The following IL1R1 variants were observed in gnomAD, a reference collection of about 807,000 sequenced individuals.
IL1R1 encodes the protein interleukin 1 receptor type 1.
Under a neutral mutation model 50.2 loss-of-function variants are expected in IL1R1, and 22 were observed. The observed-to-expected ratio is 0.44, with a 90% CI of 0.31 to 0.63. The LOEUF is 0.63. Among genes scored for constraint, IL1R1 ranks in the 20% least tolerant of loss-of-function variants. IL1R1 has a pLI of 0.07. For synonymous variants in IL1R1, 251 were observed against 236.7 expected (o/e 1.06, Z -0.55); for missense variants, 509 against 676.2 (o/e 0.75, Z 2.74).
At chr2:102,122,782 T>G (rs1414671217) in intron 1 of IL1R1, among the ~76,000 whole-genome samples, 2 of 152,192 alleles carry the variant, frequency 1.3e-5, no homozygotes, top group Admixed American at 6.5e-5. Flanking sequence ...TTTCCTTGTT[T>G]TCAGAAAACA....
At chr2:102,122,837 T>C (rs2104395976) in intron 1 of IL1R1, among the ~76,000 whole-genome samples, 1 of 152,320 alleles carries the variant, frequency 6.6e-6, no homozygotes, top group African/African-American at 2.4e-5. Context: ...CTAAACACTT[T>C]GTTTTGACTC....
intron 1 of IL1R1, among the ~76,000 whole-genome samples, chr2:102,116,178 G>A (rs749073469): frequency 6.6e-5 from 10 of 152,178 alleles, no homozygotes; most frequent in Non-Finnish European, 1.2e-4. Flanking sequence ...TGCTGCTTTC[G>A]ACATCTCTCC....
chr2:102,140,979 G>A (rs757701265), upstream of IL1R1, among the ~76,000 whole-genome samples: 2 of 152,146 alleles, frequency 1.3e-5, no homozygotes, highest in Non-Finnish European at 1.5e-5. Flanking sequence ...CAAAAATTAC[G>A]GATTTTATTT....
At chr2:102,158,521 G>C (rs1195493817) in intron 3 of IL1R1, among the ~76,000 whole-genome samples, 1 of 152,174 alleles carries the variant, frequency 6.6e-6, no homozygotes, top group Non-Finnish European at 1.5e-5. Context: ...TTGGATATCA[G>C]ATTGGGGTGT....
At chr2:102,153,284 G>A (rs1367928564) in intron 1 of IL1R1, among the ~76,000 whole-genome samples, 2 of 152,266 alleles carry the variant, frequency 1.3e-5, no homozygotes, top group Non-Finnish European at 2.9e-5. Flanking sequence ...GCATCCCTAG[G>A]TGGTTTGATT....
chr2:102,071,121 A>G (rs563241623), intron 1 of IL1R1, among the ~76,000 whole-genome samples: 1 of 152,314 alleles, frequency 6.6e-6, no homozygotes, highest in East Asian at 1.9e-4. Context: ...GATGCTACCA[A>G]GAGTACTTCA....
chr2:102,172,043 T>C, intron 8 of IL1R1, 125 bp downstream of exon 8: 5 of 446,916 alleles, frequency 1.1e-5, no homozygotes, highest in South Asian at 6.8e-5. Context: ...TTTTTTTTTT[T>C]TTTTTTTTTT....
At chr2:102,075,963 A>G in intron 1 of IL1R1, among the ~76,000 whole-genome samples, 1 of 152,204 alleles carries the variant, frequency 6.6e-6, no homozygotes, top group East Asian at 1.9e-4. Flanking sequence ...TTCAAGTGAT[A>G]TTGTACTGCT....
upstream of IL1R1, among the ~76,000 whole-genome samples, chr2:102,139,458 G>C (rs1682520239): frequency 6.6e-6 from 1 of 152,224 alleles, no homozygotes; most frequent in Non-Finnish European, 1.5e-5. Context: ...CTCTCTTCCA[G>C]TCTTCTCCAT....
Position 102,171,895 on chromosome 2 carries a change from A to G in IL1R1, c.816A>G (p.Pro272=), listed in dbSNP as rs1192193575. The G allele has an allele frequency of 1.3e-6, 2 of 1,595,388 alleles. No individual in the cohort carries two copies. Among genetic ancestry groups the G allele is most frequent in the Non-Finnish European group, 1.7e-6 (2 of 1,164,950 alleles). Residue 272 remains proline (P), a synonymous_variant, in exon 8 of 12, where the codon CCA becomes CCG. Coordinates refer to ENST00000410023, the MANE Select transcript of IL1R1 (RefSeq NM_000877.4). ...WNGSVIDEDD[P]VLGEDYYSVE... ...GGTCAGTAATTGATGAAGATGACCC[A>G]GTGCTAGGGGAAGACTATTACAGGT...
chr2:102,129,296 A>AC lies in IL1R1; in HGVS notation c.-84+24424_-84+24425insC, dbSNP rs397823112. 8.2e-4 allele frequency among the ~76,000 whole-genome samples: 122 copies of AC among 149,142 alleles called. No homozygotes were observed. In the Middle Eastern group the frequency reaches 0.01, roughly 12 times the overall value. On this transcript the variant is annotated intron_variant, in intron 1 of 10. Transcript: ENST00000409329. ...AACAACAACAACAACAACAACAACA[A>AC]AACCAAAACAAGAACTCCTTCCCAA...
rs145994311 is a variant in IL1R1 at position 102,149,060 on chromosome 2, T to G, written c.-83-4881T>G. Among the ~76,000 whole-genome samples the G allele has an allele frequency of 1.3e-3, 196 of 152,328 alleles. 1 individual carries two copies. The highest frequency in any genetic ancestry group is 4.3e-3 in the African/African-American group (180 of 41,570). On this transcript the variant is annotated intron_variant, in intron 1 of 11. Coordinates refer to ENST00000410023, the MANE Select transcript of IL1R1 (RefSeq NM_000877.4). Reference sequence around the variant, plus strand: ...TCCCCGTACATGTTTCCACCGATTTTCAGTAGAACACATGGGCTGTGACAT... The same window carrying G: ...TCCCCGTACATGTTTCCACCGATTTGCAGTAGAACACATGGGCTGTGACAT...
intron 3 of IL1R1, among the ~76,000 whole-genome samples, chr2:102,161,057 A>T (rs1684680772): frequency 6.6e-6 from 1 of 152,204 alleles, no homozygotes; most frequent in Non-Finnish European, 1.5e-5. Context: ...TGAAATTTTT[A>T]AAAAATATAT....
chr2:102,094,514 A>G (rs1449060724), intron 1 of IL1R1, among the ~76,000 whole-genome samples: 1 of 152,214 alleles, frequency 6.6e-6, no homozygotes, highest in Non-Finnish European at 1.5e-5. Flanking sequence ...TCCTGTAAGT[A>G]TTAGTATTTT....
chr2:102,164,646 G>T, intron 3 of IL1R1, 128 bp from the exon 4 acceptor site: 1 of 652,756 alleles, frequency 1.5e-6, no homozygotes, highest in Non-Finnish European at 2.7e-6. Context: ...TTATCACAAG[G>T]CTGTAAAGCT....
chr2:102,108,129 A>T lies in IL1R1; in HGVS notation c.-84+3257A>T, dbSNP rs1680522517. ...GTTGTTACTCTAAAGTTTAGTGATA[A>T]ATCTAACCTTCTAAAATATATAGTT... On this transcript the variant is annotated intron_variant, in intron 1 of 10. Transcript: ENST00000409329. Among the ~76,000 whole-genome samples, 3 of 152,218 alleles carry T rather than the reference A, an allele frequency of 2.0e-5. No individual in the cohort carries two copies. In the South Asian group the frequency reaches 6.2e-4, roughly 32 times the overall value.
chr2:102,093,086 G>C (rs1432250991), intron 1 of IL1R1, among the ~76,000 whole-genome samples: 1 of 152,132 alleles, frequency 6.6e-6, no homozygotes, highest in Non-Finnish European at 1.5e-5. Context: ...GAATTGATAA[G>C]AAAATAATAG....
chr2:102,120,184 G>A (rs1180772630), intron 1 of IL1R1, among the ~76,000 whole-genome samples: 2 of 152,126 alleles, frequency 1.3e-5, no homozygotes, highest in African/African-American at 4.8e-5. Flanking sequence ...AACCTTTGAT[G>A]TGCATGTTGT....
intron 1 of IL1R1, among the ~76,000 whole-genome samples, chr2:102,086,717 C>A (rs1184497334): frequency 6.6e-6 from 1 of 152,136 alleles, no homozygotes; most frequent in African/African-American, 2.4e-5. Flanking sequence ...CGTTACTGTT[C>A]TTTCCAGCTG....
Sources: allele counts gnomAD v4.1 joint callset (sites outside exome capture counted in the v4.1 genomes callset), GRCh38; gene constraint gnomAD v4.1.1; transcripts MANE v1.5; gene names NCBI Gene and HGNC (gene_info 2026-07-23, HGNC 2026-07-21).